Variants in ATRNL1 observed in about 807,000 individuals in gnomAD.
ATRNL1 encodes attractin-like protein 1.
A neutral mutation model predicts 182.7 loss-of-function variants in ATRNL1; 95 were observed. That is an observed-to-expected ratio of 0.52 (90% confidence interval 0.44 to 0.62). The LOEUF (loss-of-function observed/expected upper bound fraction) is 0.62, where lower values mean the gene tolerates loss of function less well. Ranked by LOEUF, ATRNL1 falls within the 20% of genes least tolerant of loss-of-function variation. The pLI is 0.00. For synonymous variants in ATRNL1, 576 were observed against 568.3 expected (o/e 1.01, Z -0.19); for missense variants, 1,471 against 1,679.5 (o/e 0.88, Z 2.17).
At chr10:115,224,956 T>C (rs893626989) in intron 9 of ATRNL1, among the ~76,000 whole-genome samples, 1 of 152,076 alleles carries the variant, frequency 6.6e-6, no homozygotes, top group African/African-American at 2.4e-5. Flanking sequence ...GAAATAAGCA[T>C]TTAAGAAATA....
At chr10:115,316,631 T>C (rs1554929800) in intron 18 of ATRNL1, among the ~76,000 whole-genome samples, 1 of 152,194 alleles carries the variant, frequency 6.6e-6, no homozygotes, top group African/African-American at 2.4e-5. Flanking sequence ...GGTATCTCAT[T>C]GTGGTTTTGA....
In ATRNL1 at chr10:115,154,605, C is replaced by G. The variant is rs11197088; in HGVS notation, c.830-5435C>G. On this transcript the variant is annotated intron_variant, in intron 5 of 28. Coordinates refer to ENST00000355044, the MANE Select transcript of ATRNL1 (RefSeq NM_207303.4). The stretch of plus-strand genomic sequence containing the variant: ...GTTTTCCTTGAGTTTTCTTTTGTGT[C>G]CTAACATATAGTCTATCCTGGAGAA... Among the ~76,000 whole-genome samples, 1,175 of 152,076 alleles carry G rather than the reference C, an allele frequency of 7.7e-3. 18 individuals carry two copies. Among genetic ancestry groups the G allele is most frequent in the African/African-American group, 0.027 (1,130 of 41,480 alleles).
At chr10:115,535,214 G>T (rs1394868558) in intron 25 of ATRNL1, among the ~76,000 whole-genome samples, 2 of 152,048 alleles carry the variant, frequency 1.3e-5, no homozygotes, top group African/African-American at 4.8e-5. Flanking sequence ...TTCCAACTTG[G>T]CTCCATTCTC....
At chr10:115,249,434 T>TG (rs1554904906) in intron 10 of ATRNL1, among the ~76,000 whole-genome samples, 1 of 152,158 alleles carries the variant, frequency 6.6e-6, no homozygotes, top group East Asian at 1.9e-4. Context: ...ATTTTCCACT[T>TG]GCATTTTTTA....
chr10:115,183,449 C>T (rs1178339302), intron 8 of ATRNL1, among the ~76,000 whole-genome samples: 1 of 150,374 alleles, frequency 6.7e-6, no homozygotes, highest in Non-Finnish European at 1.5e-5. Flanking sequence ...ACAGAGAAGC[C>T]AGCAGCTCAT....
At chr10:115,187,605 A>C (rs1847990507) in intron 8 of ATRNL1, among the ~76,000 whole-genome samples, 1 of 152,046 alleles carries the variant, frequency 6.6e-6, no homozygotes, top group Admixed American at 6.6e-5. Flanking sequence ...AGTATTGTAC[A>C]AATGTTAAAT....
Position 115,363,135 on chromosome 10 carries a change from C to T in ATRNL1, c.3175+28716C>T, listed in dbSNP as rs556843060. 6.4e-3 allele frequency among the ~76,000 whole-genome samples: 934 copies of T among 146,708 alleles called. 7 individuals are homozygous for T. The highest frequency in any genetic ancestry group is 0.022 in the African/African-American group (884 of 40,132). On this transcript the variant is annotated intron_variant, in intron 19 of 28. Coordinates refer to ENST00000355044, the MANE Select transcript of ATRNL1 (RefSeq NM_207303.4). ...TGGTTGAACTAGTTTACAGTCCCAC[C>T]AACAGTGTAAAAGTGTTCCTATTTC...
chr10:115,788,712 G>A (rs1052719844), intron 27 of ATRNL1, among the ~76,000 whole-genome samples: 1 of 152,190 alleles, frequency 6.6e-6, no homozygotes, highest in African/African-American at 2.4e-5. Flanking sequence ...TCCCTGGAAA[G>A]TGACAGGAAA....
At chr10:115,911,697 G>A (rs1264216952) in intron 28 of ATRNL1, among the ~76,000 whole-genome samples, 1 of 152,082 alleles carries the variant, frequency 6.6e-6, no homozygotes, top group African/African-American at 2.4e-5. Context: ...AGAGCCGGTG[G>A]GCGTGGCAGT....
intron 26 of ATRNL1, among the ~76,000 whole-genome samples, chr10:115,572,812 G>A (rs1168851044): frequency 2.0e-5 from 3 of 152,116 alleles, no homozygotes; most frequent in Non-Finnish European, 4.4e-5. Flanking sequence ...TGAAATGGGA[G>A]AGTTCCCTGA....
chr10:115,225,042 G>T (rs1166263881), intron 9 of ATRNL1, among the ~76,000 whole-genome samples: 1 of 151,958 alleles, frequency 6.6e-6, no homozygotes, highest in Non-Finnish European at 1.5e-5. Context: ...GCATAACCTT[G>T]ATATAAAAAT....
At chr10:115,765,886 G>A (rs933966921) in intron 27 of ATRNL1, among the ~76,000 whole-genome samples, 3 of 152,140 alleles carry the variant, frequency 2.0e-5, no homozygotes, top group Admixed American at 6.5e-5. Flanking sequence ...CCCCACTGAT[G>A]TATACAATTA....
At chr10:115,701,772 A>G (rs1195645851) in intron 26 of ATRNL1, among the ~76,000 whole-genome samples, 3 of 152,028 alleles carry the variant, frequency 2.0e-5, no homozygotes, top group Non-Finnish European at 4.4e-5. Flanking sequence ...TCCTGAACAG[A>G]CCAATATTGA....
chr10:115,336,907 G>A (rs1855507012), intron 19 of ATRNL1, among the ~76,000 whole-genome samples: 1 of 149,518 alleles, frequency 6.7e-6, no homozygotes, highest in Non-Finnish European at 1.5e-5. Context: ...GTGCAGTGGT[G>A]TGATCTCGGC....
intron 5 of ATRNL1, among the ~76,000 whole-genome samples, chr10:115,154,806 A>T (rs1406783002): frequency 6.6e-6 from 1 of 152,084 alleles, no homozygotes; most frequent in Non-Finnish European, 1.5e-5. Flanking sequence ...CTGTTATTTT[A>T]TTGGATCAAA....
At chr10:115,290,204 G>A (rs1477830453) in intron 15 of ATRNL1, among the ~76,000 whole-genome samples, 1 of 151,782 alleles carries the variant, frequency 6.6e-6, no homozygotes, top group Non-Finnish European at 1.5e-5. Context: ...CGACTTTTGT[G>A]TGTTGATTTT....
chr10:115,170,351 T>G (rs923038119), intron 7 of ATRNL1, among the ~76,000 whole-genome samples: 2 of 152,160 alleles, frequency 1.3e-5, no homozygotes, highest in African/African-American at 4.8e-5. Flanking sequence ...TATGTACCAT[T>G]TATTTCCATC....
intron 24 of ATRNL1, among the ~76,000 whole-genome samples, chr10:115,512,376 T>C (rs1294228868): frequency 1.3e-5 from 2 of 151,880 alleles, no homozygotes; most frequent in Admixed American, 6.6e-5. Flanking sequence ...TGCCACCTAA[T>C]TGAGACACAA....
At chr10:115,533,679 C>A (rs1222586990) in intron 25 of ATRNL1, among the ~76,000 whole-genome samples, 1 of 151,114 alleles carries the variant, frequency 6.6e-6, no homozygotes, top group Non-Finnish European at 1.5e-5. Flanking sequence ...TTTTCTAGTT[C>A]TTTTAATTGT....
Sources: gnomAD v4.1 joint callset for allele counts (sites outside exome capture counted in the v4.1 genomes callset) on GRCh38, gnomAD v4.1.1 for gene constraint, MANE v1.5 for transcripts, NCBI Gene and HGNC (gene_info 2026-07-23, HGNC 2026-07-21) for gene names.